TLE2: variants seen among roughly 807,000 people sequenced by gnomAD.
The protein encoded by TLE2 is transducin-like enhancer protein 2.
TLE2 carries 74 observed loss-of-function variants against 97.2 expected under a neutral mutation model. The observed-to-expected ratio is 0.76, with a 90% confidence interval of 0.63 to 0.92. The LOEUF (loss-of-function observed/expected upper bound fraction) is 0.92, where lower values mean the gene tolerates loss of function less well. Ranked by LOEUF, TLE2 falls within the 40% of genes least tolerant of loss-of-function variation. The pLI, the probability that TLE2 is intolerant of heterozygous loss-of-function variation, is 0.00. For missense variants in TLE2, 1,038 were observed against 1,008.7 expected, an observed-to-expected ratio of 1.03 and a Z score of -0.39; for synonymous variants, 499 against 432.1, an observed-to-expected ratio of 1.15 and a Z score of -1.92.
Position 3,006,413 on chromosome 19 carries a change from C to T in TLE2, c.1500+7G>A, listed in dbSNP as rs777171799. 3.1e-6 allele frequency: 5 copies of T among 1,608,962 alleles called. No individual in the cohort carries two copies. The African/African-American group carries it at 6.7e-5, about 21-fold the overall frequency. ...GAGTCCCGCCCACTGTCCCACCCCG[C>T]CCTCACCAGGCAGTCGAGCTGGGCC... On this transcript the variant is annotated splice_region_variant and intron_variant, in intron 15 of 19. Coordinates refer to ENST00000262953, the MANE Select transcript of TLE2 (RefSeq NM_003260.5).
intron 14 of TLE2, among the ~76,000 whole-genome samples, chr19:3,007,036 C>T (rs1437316400): frequency 6.6e-6 from 1 of 152,040 alleles, no homozygotes; most frequent in Non-Finnish European, 1.5e-5. Flanking sequence ...CTGCCCGCCT[C>T]GGCCTCCCGA....
Position 3,019,985 on chromosome 19 carries a change from G to C in TLE2, c.295-212C>G. 1 of 675,104 alleles carries C rather than the reference G, an allele frequency of 1.5e-6. No individual in the cohort carries two copies. Among genetic ancestry groups the C allele is most frequent in the Non-Finnish European group, 2.5e-6 (1 of 406,816 alleles). The allele number at this position is 675,104 out of a possible 1,614,324, so 41.8% of individuals were successfully genotyped here. The stretch of plus-strand genomic sequence containing the variant: ...AAGAAACCAAACCTAAGTGCAGGTA[G>C]AATAGTTACAAATCAGGCCGGGCAT... On this transcript the variant is annotated intron_variant, in intron 5 of 19. Transcript: ENST00000262953. The surrounding 1 kb of genome is among the most constrained non-coding windows in gnomAD (Gnocchi z 5.1).
intron 15 of TLE2, 144 bp downstream of exon 15, chr19:3,006,276 C>CT: frequency 7.4e-7 from 1 of 1,342,712 alleles, no homozygotes; most frequent in Non-Finnish European, 1.0e-6. Flanking sequence ...TTGTCCCATG[C>CT]GACTACGAGC....
At chr19:3,047,515 C>G (rs986525001), upstream of TLE2, 2 of 151,208 alleles carry the variant, frequency 1.3e-5, no homozygotes, top group African/African-American at 2.4e-5. Context: ...GTGACCCCCC[C>G]CCAGGCATCC....
rs908686034 is a variant in TLE2 at position 3,025,688 on chromosome 19, G to A, written c.232-606C>T. 1.3e-5 allele frequency: 11 copies of A among 860,862 alleles called. No homozygotes were observed. In the South Asian group the frequency reaches 3.7e-4, roughly 29 times the overall value. 53.3% of individuals were successfully genotyped at this position (860,862 alleles called of 1,614,324 possible). A position where few individuals can be genotyped will look rare whatever the true frequency, so the allele number is the denominator to read the frequency against. ...AAGGCGTGTGGGTGGGGAAGGGGGC[G>A]GGCATACAATGGCCACGGACTTTGC... On this transcript the variant is annotated intron_variant, in intron 4 of 19. Transcript: ENST00000262953.
In TLE2 at chr19:3,027,996, C is replaced by G. The variant is rs371699351; in HGVS notation, c.187-123G>C. 38 of 987,440 alleles carry G rather than the reference C, an allele frequency of 3.8e-5. No individual in the cohort carries two copies. The East Asian group carries it at 9.7e-4, about 25-fold the overall frequency. 61.2% of individuals were successfully genotyped at this position (987,440 alleles called of 1,614,324 possible). A position where few individuals can be genotyped will look rare whatever the true frequency, so the allele number is the denominator to read the frequency against. On this transcript the variant is annotated intron_variant, in intron 3 of 19. Transcript: ENST00000262953. ...GGGAATCACAGCAGGAAGCAGAGCC[C>G]CCCCCAGCTCCACGGGGTCCCAGAG... is the stretch of plus-strand genomic sequence containing the variant.
intron 19 of TLE2, among the ~76,000 whole-genome samples, chr19:2,998,174 C>A: frequency 6.6e-6 from 1 of 151,356 alleles, no homozygotes; most frequent in Admixed American, 6.6e-5. Context: ...GGGTTCAAGA[C>A]ACTCTCCTGC....
At chr19:2,999,124 A>C (rs2089293434) in intron 19 of TLE2, among the ~76,000 whole-genome samples, 1 of 152,074 alleles carries the variant, frequency 6.6e-6, no homozygotes. Context: ...TCTACTAAAA[A>C]TACAAAACTT....
upstream of TLE2, among the ~76,000 whole-genome samples, chr19:3,029,347 C>T (rs1005570075): frequency 1.7e-3 from 239 of 143,732 alleles, 1 homozygote; most frequent in Non-Finnish European, 2.9e-3. Context: ...GCCCGCCCCG[C>T]GCCCACCCCC....
intron 4 of TLE2, chr19:3,025,687 C>T: frequency 2.5e-6 from 2 of 797,576 alleles, no homozygotes; most frequent in Non-Finnish European, 1.5e-6. Flanking sequence ...GGGAAGGGGG[C>T]GGGCATACAA....
rs746536598 is a variant in TLE2 at position 3,019,016 on chromosome 19, G to A, written c.550+267C>T. Among the ~76,000 whole-genome samples, 10 of 151,970 alleles carry A rather than the reference G, an allele frequency of 6.6e-5. No individual in the cohort carries two copies. The highest frequency in any genetic ancestry group is 5.8e-4 in the East Asian group (3 of 5,184). ...CGGCCTCAAGTGATCCTCCTGCCTCGGCCTCCTAAGTACCTGGGAATACAG... is the reference window on the plus strand; with the variant it reads ...CGGCCTCAAGTGATCCTCCTGCCTCAGCCTCCTAAGTACCTGGGAATACAG... On this transcript the variant is annotated intron_variant, in intron 7 of 19. Coordinates refer to ENST00000262953, the MANE Select transcript of TLE2 (RefSeq NM_003260.5). The surrounding 1 kb of genome is among the most constrained non-coding windows in gnomAD (Gnocchi z 5.1).
upstream of TLE2, among the ~76,000 whole-genome samples, chr19:3,046,600 A>G (rs2090142903): frequency 7.4e-6 from 1 of 135,468 alleles, no homozygotes; most frequent in Admixed American, 7.5e-5. Context: ...CACCTCCGCT[A>G]GAGTCCTGCC....
upstream of TLE2, among the ~76,000 whole-genome samples, chr19:3,031,058 T>A (rs1655315284): frequency 1.3e-5 from 2 of 151,714 alleles, no homozygotes; most frequent in African/African-American, 4.8e-5. Context: ...GGCACAGGGA[T>A]TGTAAGGGTG....
Position 3,000,704 on chromosome 19 carries a change from G to C in TLE2, c.2067C>G (p.Thr689=). The change falls in exon 19 of 20, where the codon ACC becomes ACG. Residue 689 remains threonine, a synonymous_variant. Coordinates refer to ENST00000262953, the MANE Select transcript of TLE2 (RefSeq NM_003260.5). The stretch of plus-strand genomic sequence containing the variant: ...AGGCGTTGAGCAGGTTGTCCTTCCC[G>C]GTGCTCACAAACCACCGTCCTTGGG... The part of the protein sequence containing the change: ...FASCGRWFVS[T]GKDNLLNAWR... 6.3e-7 allele frequency: 1 copy of C among 1,591,822 alleles called. No homozygotes were observed. The highest frequency in any genetic ancestry group is 1.1e-5 in the South Asian group (1 of 87,232).
Position 3,029,090 on chromosome 19 carries a change from TG to T in TLE2, c.-187del. 1.6e-6 allele frequency: 2 copies of T among 1,241,784 alleles called. No individual in the cohort carries two copies. The highest frequency in any genetic ancestry group is 2.0e-6 in the Non-Finnish European group (2 of 990,844). 76.9% of individuals were successfully genotyped at this position (1,241,784 alleles called of 1,614,324 possible). The stretch of plus-strand genomic sequence containing the variant: ...CCCCAAGCGCGCGCGCCCGGGGTCG[TG>T]GGAGCCCCTCCCCGGGTTGGGGTGC... On this transcript the variant is annotated 5_prime_UTR_variant, in exon 1 of 20. Coordinates refer to ENST00000262953, the MANE Select transcript of TLE2 (RefSeq NM_003260.5).
chr19:3,013,605 A>C, intron 11 of TLE2, 64 bp downstream of exon 11: 3 of 1,285,858 alleles, frequency 2.3e-6, no homozygotes, highest in African/African-American at 1.5e-5. Flanking sequence ...ATCATGGGGT[A>C]GCGTCTGCTT....
upstream of TLE2, among the ~76,000 whole-genome samples, chr19:3,031,954 G>T (rs1469321992): frequency 6.6e-6 from 1 of 152,130 alleles, no homozygotes; most frequent in Non-Finnish European, 1.5e-5. Context: ...TTGAGACGGA[G>T]TCTTGCTCTG....
At position 3,009,700 on chromosome 19, in the gene TLE2, G is replaced by T; in HGVS notation, c.1015C>A (p.Leu339Met). 6.2e-7 allele frequency: 1 copy of T among 1,609,548 alleles called. No homozygotes were observed. Residue 339 changes from leucine to methionine, a missense_variant and splice_region_variant, in exon 13 of 20, where the codon CTG becomes ATG. Coordinates refer to ENST00000262953, the MANE Select transcript of TLE2 (RefSeq NM_003260.5). ...CTGGACAGAGTCAGGGGGCTCCTCAGGGCTGAGACGGAAGAGTCGGGGACA... is the reference window on the plus strand; with the variant it reads ...CTGGACAGAGTCAGGGGGCTCCTCATGGCTGAGACGGAAGAGTCGGGGACA... Reference protein sequence around the residue: ...KPAPSTDSVALRSPLTLSSPF... With the variant: ...KPAPSTDSVAMRSPLTLSSPF...
intron 1 of TLE2, among the ~76,000 whole-genome samples, chr19:3,041,013 A>ATATATATATTATTT (rs1555695656): frequency 6.9e-5 from 2 of 28,968 alleles, no homozygotes; most frequent in Non-Finnish European, 1.1e-4. Flanking sequence ...ATATATATAT[A>ATATATATATTATTT]TTTTTTTTTT....
Sources: gnomAD v4.1 joint callset for allele counts (sites outside exome capture counted in the v4.1 genomes callset) on GRCh38, gnomAD v4.1.1 for gene constraint, Gnocchi (gnomAD v3.1) non-coding constraint, MANE v1.5 for transcripts, NCBI Gene and HGNC (gene_info 2026-07-23, HGNC 2026-07-21) for gene names.